The following EOGT variants were observed in gnomAD, a reference collection of about 807,000 sequenced individuals.
EOGT encodes EGF domain specific O-linked N-acetylglucosamine transferase, also known as EGF domain-specific O-linked N-acetylglucosamine transferase.
A neutral mutation model predicts 70.5 loss-of-function variants in EOGT; 55 were observed. The ratio of observed to expected loss-of-function variants is 0.78; its 90% confidence interval spans 0.63 to 0.98. The LOEUF is 0.98. EOGT is among the 50% of genes least tolerant of loss of function. The pLI is 0.00. For synonymous variants in EOGT, 246 were observed against 217.1 expected (o/e 1.13, Z -1.17); for missense variants, 703 against 641.9 (o/e 1.10, Z -1.03).
rs1315043640 is a variant in EOGT, at chr3:68,976,099, C to T, written c.*1519G>A. Reference sequence around the variant, plus strand: ...TAAGCAGTAAGAAATGAATCCCACTCAAAGAGTGGGGCTACATTCCAGATA... The same window carrying T: ...TAAGCAGTAAGAAATGAATCCCACTTAAAGAGTGGGGCTACATTCCAGATA... On this transcript the variant is annotated 3_prime_UTR_variant, in exon 18 of 18. Coordinates refer to ENST00000383701, the MANE Select transcript of EOGT (RefSeq NM_001278689.2). 6.6e-6 allele frequency: 1 copy of T among 152,162 alleles called. No individual in the cohort carries two copies. The highest frequency in any genetic ancestry group is 1.5e-5 in the Non-Finnish European group (1 of 68,030). 9.4% of individuals were successfully genotyped at this position (152,162 alleles called of 1,614,324 possible).
rs2090878182 is a variant in EOGT, at chr3:68,988,352, G to C, written c.1026C>G (p.Phe342Leu). 1 of 1,535,972 alleles carries C rather than the reference G, an allele frequency of 6.5e-7. No homozygotes were observed. The highest frequency in any genetic ancestry group is 8.7e-7 in the Non-Finnish European group (1 of 1,146,772). Residue 342 changes from phenylalanine (F) to leucine (L), a missense_variant, in exon 13 of 18, where the codon TTC (phenylalanine) becomes TTG (leucine). Phe to Leu is a conservative substitution (Grantham distance 22). Coordinates refer to ENST00000383701, the MANE Select transcript of EOGT (RefSeq NM_001278689.2). ...GTAGTACATGCTGGGCAAATGCCCT[G>C]AATAGTCCAGTATTTTGACAGCCAG... ...LISGCQNTGL[F>L]RAFAQHVLHR...
intron 14 of EOGT, among the ~76,000 whole-genome samples, chr3:68,986,657 C>CA (rs1450204712): frequency 5.9e-5 from 9 of 152,202 alleles, no homozygotes; most frequent in Non-Finnish European, 1.2e-4. Flanking sequence ...TACAAACCCC[C>CA]ATCCATCCAC....
At chr3:69,003,338 A>G (rs2091350698) in intron 8 of EOGT, among the ~76,000 whole-genome samples, 1 of 152,166 alleles carries the variant, frequency 6.6e-6, no homozygotes, top group Non-Finnish European at 1.5e-5. Context: ...CTGTGTCTCC[A>G]CCCAGATCTC....
intron 16 of EOGT, among the ~76,000 whole-genome samples, chr3:68,979,342 A>G (rs1347270344): frequency 1.3e-5 from 2 of 152,220 alleles, no homozygotes; most frequent in African/African-American, 4.8e-5. Flanking sequence ...CTTTTAACAC[A>G]ATAACTACAC....
At chr3:69,003,510 T>C (rs1482673228) in intron 8 of EOGT, among the ~76,000 whole-genome samples, 5 of 152,214 alleles carry the variant, frequency 3.3e-5, no homozygotes, top group South Asian at 2.1e-4. Context: ...CGTGCCTTTG[T>C]TCCTCCTTTG....
intron 9 of EOGT, among the ~76,000 whole-genome samples, chr3:68,998,557 T>A (rs964849407): frequency 1.3e-5 from 2 of 152,148 alleles, no homozygotes; most frequent in Non-Finnish European, 2.9e-5. Context: ...AGTTGTTTTT[T>A]AAAGTCAATT....
chr3:69,013,036 G>A (rs912560263), intron 1 of EOGT, among the ~76,000 whole-genome samples: 22 of 152,100 alleles, frequency 1.4e-4, no homozygotes, highest in Admixed American at 4.6e-4. Flanking sequence ...GGCTCAGGAA[G>A]TGCTCGGCTG....
At chr3:68,979,082 G>A (rs1221009949) in intron 16 of EOGT, among the ~76,000 whole-genome samples, 1 of 152,076 alleles carries the variant, frequency 6.6e-6, no homozygotes, top group East Asian at 1.9e-4. Context: ...TAGACATAAT[G>A]GGGGGAAACA....
chr3:68,981,932 A>G (rs1245374580), intron 15 of EOGT, among the ~76,000 whole-genome samples: 1 of 151,380 alleles, frequency 6.6e-6, no homozygotes, highest in Non-Finnish European at 1.5e-5. Flanking sequence ...TTTGAGACAG[A>G]GCCTCGTACT....
chr3:68,993,516 T>C (rs907645520), intron 10 of EOGT, among the ~76,000 whole-genome samples: 4 of 152,188 alleles, frequency 2.6e-5, no homozygotes, highest in Non-Finnish European at 4.4e-5. Flanking sequence ...GGCAAAGCTA[T>C]TCAACAAGTC....
chr3:69,010,592 A>G (rs1215007765), intron 3 of EOGT, among the ~76,000 whole-genome samples: 1 of 152,234 alleles, frequency 6.6e-6, no homozygotes, highest in Non-Finnish European at 1.5e-5. Context: ...TTCATCATAG[A>G]GCTGTCATGA....
intron 9 of EOGT, among the ~76,000 whole-genome samples, chr3:68,999,873 C>A (rs2091250937): frequency 6.6e-6 from 1 of 152,140 alleles, no homozygotes; most frequent in Non-Finnish European, 1.5e-5. Flanking sequence ...AATGTGCCCC[C>A]TAATGAGTCC....
intron 10 of EOGT, among the ~76,000 whole-genome samples, chr3:68,994,182 T>C (rs867386580): frequency 2.0e-5 from 3 of 151,990 alleles, no homozygotes; most frequent in African/African-American, 7.3e-5. Context: ...ATATAACACA[T>C]ATATGGAAAA....
chr3:69,004,424 G>A lies in EOGT; in HGVS notation c.574C>T (p.Arg192Cys), dbSNP rs776583381. ...CGCTGACCTTCAGACGTCAATGTAC[G>A]GATGTCAAGTTTACAGTGCCCTCCA... ...EIGGHCKLDI[R>C]TLTSEGQRKS... The change falls in exon 8 of 18, where the codon CGT becomes TGT. Residue 192 changes from arginine (R) to cysteine (C), a missense_variant. Transcript: ENST00000383701. The A allele has an allele frequency of 1.6e-5, 26 of 1,613,964 alleles. No individual in the cohort carries two copies. Among genetic ancestry groups the A allele is most frequent in the South Asian group, 4.4e-5 (4 of 91,086 alleles).
intron 1 of EOGT, among the ~76,000 whole-genome samples, chr3:69,013,064 C>T (rs1393490577): frequency 6.6e-6 from 1 of 152,066 alleles, no homozygotes; most frequent in African/African-American, 2.4e-5. Context: ...AACGTCAGTC[C>T]CGGCAGAGCC....
intron 10 of EOGT, among the ~76,000 whole-genome samples, chr3:68,996,651 C>T (rs1195513413): frequency 6.6e-6 from 1 of 152,228 alleles, no homozygotes; most frequent in African/African-American, 2.4e-5. Flanking sequence ...CCAGGCGAAT[C>T]TTGTCTCCTT....
chr3:68,999,760 G>A (rs576232686), intron 9 of EOGT, among the ~76,000 whole-genome samples: 1 of 152,288 alleles, frequency 6.6e-6, no homozygotes, highest in East Asian at 1.9e-4. Context: ...GTAACATTTA[G>A]TGAGTTCCTA....
chr3:69,005,266 T>G (rs2091411210), intron 6 of EOGT, 32 bp from the exon 7 acceptor site: 1 of 1,286,752 alleles, frequency 7.8e-7, no homozygotes. Context: ...AGAATGACTC[T>G]GAGTATTAAC....
chr3:68,995,493 G>GC (rs2091120313), intron 10 of EOGT, among the ~76,000 whole-genome samples: 1 of 152,192 alleles, frequency 6.6e-6, no homozygotes, highest in Non-Finnish European at 1.5e-5. Flanking sequence ...AGGTCAGACT[G>GC]CCCTCATGTC....
Sources: allele counts gnomAD v4.1 joint callset (sites outside exome capture counted in the v4.1 genomes callset), GRCh38; gene constraint gnomAD v4.1.1; transcripts MANE v1.5; gene names NCBI Gene and HGNC (gene_info 2026-07-23, HGNC 2026-07-21).